The following NTN1 variants were observed in gnomAD, a reference collection of about 807,000 sequenced individuals.
The protein encoded by NTN1 is netrin-1.
In NTN1, 11 loss-of-function variants were observed where a neutral mutation model predicts 54.2. The observed-to-expected ratio is 0.20, with a 90% confidence interval of 0.13 to 0.34. NTN1 has a LOEUF of 0.34. Among genes scored for constraint, NTN1 ranks in the 10% least tolerant of loss-of-function variants. The pLI is 1.00. For missense variants in NTN1, 740 were observed against 893.1 expected, an observed-to-expected ratio of 0.83 and a Z score of 2.18; for synonymous variants, 371 against 382.0, an observed-to-expected ratio of 0.97 and a Z score of 0.33.
chr17:9,229,284 G>C (rs2142368066), intron 6 of NTN1, among the ~76,000 whole-genome samples: 1 of 152,302 alleles, frequency 6.6e-6, no homozygotes, highest in Middle Eastern at 3.4e-3. Flanking sequence ...TCCAGAACCA[G>C]TGGAAACCAA....
In NTN1 at chr17:9,210,767, A is replaced by G. The variant is rs548828277; in HGVS notation, c.1412-10401A>G. Among the ~76,000 whole-genome samples the G allele has an allele frequency of 1.8e-4, 27 of 152,164 alleles. No homozygotes were observed. In the East Asian group the frequency reaches 3.9e-3, roughly 22 times the overall value. ...ACAAAAATACAAAAATTAGCTGTGCATGATGGCAGGTGCCTGTAATCCCAG... is the reference window on the plus strand; with the variant it reads ...ACAAAAATACAAAAATTAGCTGTGCGTGATGGCAGGTGCCTGTAATCCCAG... On this transcript the variant is annotated intron_variant, in intron 5 of 6. Transcript: ENST00000173229.
chr17:9,019,503 A>G (rs1006364423), upstream of NTN1, among the ~76,000 whole-genome samples: 2 of 152,224 alleles, frequency 1.3e-5, no homozygotes, highest in African/African-American at 4.8e-5. Flanking sequence ...ATGCATATTT[A>G]CATTTGCATA....
chr17:9,145,087 A>T (rs1174788904), intron 2 of NTN1, among the ~76,000 whole-genome samples: 1 of 152,204 alleles, frequency 6.6e-6, no homozygotes, highest in South Asian at 2.1e-4. Context: ...GGCGCATGAA[A>T]TCCGAACTCT....
At chr17:9,046,549 G>A (rs1261985379) in intron 2 of NTN1, among the ~76,000 whole-genome samples, 1 of 152,196 alleles carries the variant, frequency 6.6e-6, no homozygotes, top group African/African-American at 2.4e-5. Flanking sequence ...TACTTCGGGA[G>A]GCCAAGGTGG....
chr17:9,012,217 T>C, the NTN1 span, among the ~76,000 whole-genome samples: 1 of 151,838 alleles, frequency 6.6e-6, no homozygotes, highest in South Asian at 2.1e-4. Context: ...TCTCATTACT[T>C]AAACAAGCTC....
At chr17:9,005,927 C>G in the NTN1 span, among the ~76,000 whole-genome samples, 1 of 152,234 alleles carries the variant, frequency 6.6e-6, no homozygotes, top group Non-Finnish European at 1.5e-5. Flanking sequence ...AGGCCCCACA[C>G]AGACAGTACA....
chr17:9,229,957 C>T (rs1019240374), intron 6 of NTN1, among the ~76,000 whole-genome samples: 3 of 152,038 alleles, frequency 2.0e-5, no homozygotes, highest in East Asian at 1.9e-4. Context: ...CTTGTCCAGT[C>T]GCTCAGGCTG....
At chr17:9,210,132 C>T (rs1004649792) in intron 5 of NTN1, among the ~76,000 whole-genome samples, 2 of 152,114 alleles carry the variant, frequency 1.3e-5, no homozygotes, top group Admixed American at 6.5e-5. Context: ...CCTGTCCTTC[C>T]GTCCGTGCAA....
chr17:9,069,903 C>T (rs991598519), intron 2 of NTN1, among the ~76,000 whole-genome samples: 1 of 152,208 alleles, frequency 6.6e-6, no homozygotes, highest in Non-Finnish European at 1.5e-5. Flanking sequence ...CCAAATGAAC[C>T]ACCTGTGGCT....
At chr17:9,197,195 TGAGGCCCAGAGGAG>T (rs1422673150) in intron 5 of NTN1, among the ~76,000 whole-genome samples, 3 of 152,120 alleles carry the variant, frequency 2.0e-5, no homozygotes, top group Non-Finnish European at 4.4e-5. Context: ...ATGGGGAGAC[TGAGGCCCAGAGGAG>T]GACAGTGGCT....
chr17:9,090,886 G>A (rs146258362), intron 2 of NTN1, among the ~76,000 whole-genome samples: 94 of 152,234 alleles, frequency 6.2e-4, no homozygotes, highest in African/African-American at 1.9e-3. Flanking sequence ...GGCAAGAGCC[G>A]GGCGGCCCCG....
intron 2 of NTN1, among the ~76,000 whole-genome samples, chr17:9,132,644 G>A (rs1017220035): frequency 6.6e-6 from 1 of 152,154 alleles, no homozygotes; most frequent in Non-Finnish European, 1.5e-5. Flanking sequence ...GGGGGCTGAG[G>A]CAGGCGGATC....
At chr17:9,202,097 C>G (rs1904815339) in intron 5 of NTN1, among the ~76,000 whole-genome samples, 1 of 126,856 alleles carries the variant, frequency 7.9e-6, no homozygotes, top group Admixed American at 8.2e-5. Context: ...AAAACTTAGC[C>G]AGGTATGGTG....
rs565317969 is a variant in NTN1, at chr17:9,118,239, G to A, written c.1019-44574G>A. The stretch of plus-strand genomic sequence containing the variant: ...CCCCCATTTAAAATATACAGTTCAG[G>A]CCGGGCGCGGTGGCTCACGCCTGTA... On this transcript the variant is annotated intron_variant, in intron 2 of 6. Coordinates refer to ENST00000173229, the MANE Select transcript of NTN1 (RefSeq NM_004822.3). Among the ~76,000 whole-genome samples the A allele has an allele frequency of 4.6e-5, 7 of 152,290 alleles. No individual in the cohort carries two copies. The East Asian group carries it at 7.7e-4, about 17-fold the overall frequency.
Position 9,163,147 on chromosome 17 carries a change from G to GACAC in NTN1, c.1207+181_1207+184dup, listed in dbSNP as rs56255655. The GACAC allele has an allele frequency of 2.2e-3, 1,142 of 524,624 alleles. 8 individuals carry two copies. The highest frequency in any genetic ancestry group is 0.011 in the African/African-American group (547 of 50,840). 32.5% of individuals were successfully genotyped at this position (524,624 alleles called of 1,614,324 possible). On this transcript the variant is annotated intron_variant, in intron 3 of 6. Coordinates refer to ENST00000173229, the MANE Select transcript of NTN1 (RefSeq NM_004822.3). ...CATCTCTCTCTCTTTCTCTCTCTGT[G>GACAC]ACACACACACACACACACACACACA...
the NTN1 span, among the ~76,000 whole-genome samples, chr17:9,014,143 A>T: frequency 2.6e-5 from 4 of 152,148 alleles, no homozygotes; most frequent in Non-Finnish European, 5.9e-5. Flanking sequence ...ATCTCCAGGA[A>T]CGCTTCCCAC....
intron 2 of NTN1, among the ~76,000 whole-genome samples, chr17:9,047,771 T>C (rs2091945551): frequency 6.6e-6 from 1 of 151,958 alleles, no homozygotes; most frequent in Non-Finnish European, 1.5e-5. Context: ...CTCGGCTCAC[T>C]GCATCCTCTG....
upstream of NTN1, among the ~76,000 whole-genome samples, chr17:9,021,233 C>T (rs2091845704): frequency 6.6e-6 from 1 of 151,638 alleles, no homozygotes; most frequent in South Asian, 2.1e-4. Context: ...GGCCCCTCCT[C>T]CCCCACGGGG....
intron 2 of NTN1, among the ~76,000 whole-genome samples, chr17:9,127,076 G>GGT (rs1555570077): frequency 4.1e-5 from 6 of 146,332 alleles, no homozygotes; most frequent in Admixed American, 1.3e-4. Context: ...AGGGCCGGGG[G>GGT]GGGGCAGGAC....
Sources: gnomAD v4.1 joint callset for allele counts (sites outside exome capture counted in the v4.1 genomes callset) on GRCh38, gnomAD v4.1.1 for gene constraint, MANE v1.5 for transcripts, NCBI Gene and HGNC (gene_info 2026-07-23, HGNC 2026-07-21) for gene names.